The following NEK10 variants were observed in gnomAD, a reference collection of about 807,000 sequenced individuals.
NEK10 encodes the protein NIMA related kinase 10.
NEK10 carries 122 observed loss-of-function variants against 159.8 expected under a neutral mutation model. That is an observed-to-expected ratio of 0.76 (90% CI 0.66 to 0.89). The LOEUF is 0.89. Among genes scored for constraint, NEK10 ranks in the 40% least tolerant of loss-of-function variants. The pLI is 0.00. For missense variants in NEK10, 1,342 were observed against 1,323.1 expected (o/e 1.01, Z -0.22); for synonymous variants, 466 against 457.1 (o/e 1.02, Z -0.25).
intron 23 of NEK10, among the ~76,000 whole-genome samples, chr3:27,207,460 A>G (rs962813827): frequency 1.3e-5 from 2 of 152,200 alleles, no homozygotes; most frequent in African/African-American, 4.8e-5. Flanking sequence ...TGTTCCCTTA[A>G]TAAGTGTTAG....
At chr3:27,288,750 C>G (rs780904503) in intron 19 of NEK10, among the ~76,000 whole-genome samples, 50 of 152,070 alleles carry the variant, frequency 3.3e-4, no homozygotes, top group Non-Finnish European at 6.9e-4. Context: ...GTAGTTTTTG[C>G]TTATAATTTG....
At chr3:27,244,387 A>G (rs1311022071) in intron 23 of NEK10, among the ~76,000 whole-genome samples, 1 of 152,120 alleles carries the variant, frequency 6.6e-6, no homozygotes, top group African/African-American at 2.4e-5. Context: ...GAAGTTTCTT[A>G]TTGTGTCTGT....
At chr3:27,177,975 T>G (rs1947690812) in intron 26 of NEK10, among the ~76,000 whole-genome samples, 1 of 152,160 alleles carries the variant, frequency 6.6e-6, no homozygotes, top group Admixed American at 6.5e-5. Context: ...GAGAGGGAGT[T>G]AACTAGTTTT....
intron 5 of NEK10, among the ~76,000 whole-genome samples, chr3:27,328,211 T>C (rs994496759): frequency 1.3e-5 from 2 of 152,228 alleles, no homozygotes; most frequent in Admixed American, 6.5e-5. Context: ...ACTCATCACC[T>C]GTGATCAGCC....
chr3:27,166,187 A>G (rs1946458041), intron 29 of NEK10, among the ~76,000 whole-genome samples: 1 of 152,218 alleles, frequency 6.6e-6, no homozygotes, highest in Non-Finnish European at 1.5e-5. Context: ...TGTGTGAATA[A>G]GCAACATTAT....
chr3:27,180,920 T>C (rs747446544), intron 26 of NEK10, among the ~76,000 whole-genome samples: 10 of 152,014 alleles, frequency 6.6e-5, no homozygotes, highest in Non-Finnish European at 1.3e-4. Context: ...CTCATATTAC[T>C]CAAGTGCATG....
chr3:27,162,718 C>T lies in NEK10; in HGVS notation c.2852G>A (p.Gly951Glu). The T allele has an allele frequency of 1.2e-6, 2 of 1,614,056 alleles. No individual in the cohort carries two copies. Among genetic ancestry groups the T allele is most frequent in the South Asian group, 1.1e-5 (1 of 91,076 alleles). Reference protein sequence around the residue: ...SQTRDFTGGTGSRPRPASAGI... With the variant: ...SQTRDFTGGTESRPRPASAGI... ...TAAGTTACCTGGTCTTGGTCTTGAT[C>T]CTGTTCCTCCAGTGAAGTCCCTGAA... Residue 951 changes from glycine to glutamate, a missense_variant, in exon 30 of 36, where the codon GGA becomes GAA. By Grantham distance (98) the Gly-to-Glu change is moderately conservative (BLOSUM62 -2). Transcript: ENST00000691995.
intron 23 of NEK10, among the ~76,000 whole-genome samples, chr3:27,222,191 G>T (rs1952182401): frequency 6.6e-6 from 1 of 152,096 alleles, no homozygotes; most frequent in Non-Finnish European, 1.5e-5. Context: ...TGACCAATAT[G>T]GTGAAACCCC....
rs575682477 is a variant in NEK10 at position 27,317,848 on chromosome 3, G to T, written c.448-3510C>A. Among the ~76,000 whole-genome samples, 275 of 152,024 alleles carry T rather than the reference G, an allele frequency of 1.8e-3. 6 individuals are homozygous for T. The highest frequency in any genetic ancestry group is 0.013 in the Admixed American group (200 of 15,274). Reference sequence around the variant, plus strand: ...GACAGAGTCTCCCTCTGTTGCCCAGGCTGGAGTGCAGTGGCGCGATCTTGG... The same window carrying T: ...GACAGAGTCTCCCTCTGTTGCCCAGTCTGGAGTGCAGTGGCGCGATCTTGG... On this transcript the variant is annotated intron_variant, in intron 6 of 35. Coordinates refer to ENST00000691995, the MANE Select transcript of NEK10 (RefSeq NM_001394966.1).
At chr3:27,160,629 G>T (rs1170974288) in intron 30 of NEK10, among the ~76,000 whole-genome samples, 2 of 152,182 alleles carry the variant, frequency 1.3e-5, no homozygotes, top group Non-Finnish European at 2.9e-5. Flanking sequence ...AAAATGGCCA[G>T]GAGTGGTGGC....
In NEK10 at chr3:27,107,904, G is replaced by A. The variant is rs1939156254; in HGVS notation, c.*3368C>T. Among the ~76,000 whole-genome samples, 1 of 152,140 alleles carries A rather than the reference G, an allele frequency of 6.6e-6. No homozygotes were observed. The highest frequency in any genetic ancestry group is 2.1e-4 in the South Asian group (1 of 4,832). On this transcript the variant is annotated 3_prime_UTR_variant, in exon 36 of 36. Transcript: ENST00000691995. The stretch of plus-strand genomic sequence containing the variant: ...ATGATTCCTCACCACTTCAAAAAAA[G>A]AGAAAAATAGCAATACATACATGCT...
In NEK10 at chr3:27,220,674, A is replaced by T. The variant is rs149423591; in HGVS notation, c.2091-18117T>A. 3.7e-3 allele frequency among the ~76,000 whole-genome samples: 557 copies of T among 152,184 alleles called. 1 individual carries two copies. Among genetic ancestry groups the T allele is most frequent in the Middle Eastern group, 0.014 (4 of 294 alleles). On this transcript the variant is annotated intron_variant, in intron 23 of 35. Coordinates refer to ENST00000691995, the MANE Select transcript of NEK10 (RefSeq NM_001394966.1). ...TTTTCTTGCAGAAATTGACAAGATG[A>T]TCCTAAAATTTATCTAGAAACACAC...
At chr3:27,227,326 G>A (rs1453127631) in intron 23 of NEK10, among the ~76,000 whole-genome samples, 1 of 152,198 alleles carries the variant, frequency 6.6e-6, no homozygotes, top group African/African-American at 2.4e-5. Flanking sequence ...AGGAACACAG[G>A]TATGGGTAAG....
chr3:27,331,262 A>AAAAAAAAAAAAAAAAAACACAC, intron 5 of NEK10, among the ~76,000 whole-genome samples: 17 of 110,080 alleles, frequency 1.5e-4, no homozygotes, highest in African/African-American at 4.4e-4. Flanking sequence ...AAAAAAAAAA[A>AAAAAAAAAAAAAAAAAACACAC]ACACACAAAC....
At chr3:27,328,233 T>C (rs1355177020) in intron 5 of NEK10, among the ~76,000 whole-genome samples, 1 of 152,234 alleles carries the variant, frequency 6.6e-6, no homozygotes, top group Admixed American at 6.5e-5. Context: ...AGTACTGTTA[T>C]AAGCCCAGGA....
At chr3:27,130,560 A>G (rs1213999970) in intron 32 of NEK10, among the ~76,000 whole-genome samples, 1 of 152,184 alleles carries the variant, frequency 6.6e-6, no homozygotes, top group Admixed American at 6.5e-5. Context: ...AGCCACCTTT[A>G]TGTCTCAGAC....
At chr3:27,202,678 AT>A in intron 23 of NEK10, 121 bp from the exon 24 acceptor site, 1 of 1,251,136 alleles carries the variant, frequency 8.0e-7, no homozygotes, top group Non-Finnish European at 1.0e-6. Context: ...CTTAATCACT[AT>A]TTCAGGAAAG....
chr3:27,333,211 A>G (rs2046549322), intron 5 of NEK10, among the ~76,000 whole-genome samples: 1 of 152,096 alleles, frequency 6.6e-6, no homozygotes, highest in Non-Finnish European at 1.5e-5. Flanking sequence ...AGTAGTCCAC[A>G]TTATCACCAT....
Position 27,322,184 on chromosome 3 carries a change from C to G in NEK10, c.440G>C (p.Cys147Ser). Residue 147 changes from cysteine to serine, a missense_variant, in exon 6 of 36, where the codon TGT becomes TCT. By Grantham distance (112) the Cys-to-Ser change is moderately radical. Transcript: ENST00000691995. ...ICLRLLMRDP[C>S]YQEILHSLGG... The stretch of plus-strand genomic sequence containing the variant: ...TGTATTTTTCCAACCAACCTGATAA[C>G]ATGGATCCCTCATTAGTAGCCTCAG... The G allele has an allele frequency of 6.5e-7, 1 of 1,536,410 alleles. No homozygotes were observed. The highest frequency in any genetic ancestry group is 8.9e-7 in the Non-Finnish European group (1 of 1,128,736).
Sources: allele counts gnomAD v4.1 joint callset (sites outside exome capture counted in the v4.1 genomes callset), GRCh38; gene constraint gnomAD v4.1.1; transcripts MANE v1.5; gene names NCBI Gene and HGNC (gene_info 2026-07-23, HGNC 2026-07-21).